Variants in CSMD2 observed in about 807,000 individuals in gnomAD.
The protein encoded by CSMD2 is CUB and sushi domain-containing protein 2.
A neutral mutation model predicts 398.5 loss-of-function variants in CSMD2; 130 were observed. The observed-to-expected ratio is 0.33, with a 90% CI of 0.28 to 0.38. The LOEUF (loss-of-function observed/expected upper bound fraction) is 0.38. Ranked by LOEUF, CSMD2 falls within the 10% of genes least tolerant of loss-of-function variation. CSMD2 has a pLI of 1.00. For synonymous variants in CSMD2, 1,828 were observed against 1,908.5 expected (o/e 0.96, Z 1.10); for missense variants, 3,829 against 4,764.9 (o/e 0.80, Z 5.78).
chr1:33,723,458 C>T (rs1237702455), intron 19 of CSMD2, among the ~76,000 whole-genome samples: 1 of 152,202 alleles, frequency 6.6e-6, no homozygotes, highest in Non-Finnish European at 1.5e-5. Flanking sequence ...CTGCTGATGC[C>T]CAGCCCCAGT....
At chr1:33,691,729 C>T (rs1645248007) in intron 25 of CSMD2, among the ~76,000 whole-genome samples, 1 of 152,174 alleles carries the variant, frequency 6.6e-6, no homozygotes, top group Non-Finnish European at 1.5e-5. Flanking sequence ...TGGACCGACG[C>T]TGCTCAAGAA....
At chr1:34,129,495 A>G (rs971639357) in intron 1 of CSMD2, among the ~76,000 whole-genome samples, 1 of 151,550 alleles carries the variant, frequency 6.6e-6, no homozygotes, top group African/African-American at 2.4e-5. Flanking sequence ...ACTAAAAATA[A>G]AAAAAAATTA....
chr1:33,676,478 G>A (rs1644715673), intron 25 of CSMD2, among the ~76,000 whole-genome samples: 2 of 152,122 alleles, frequency 1.3e-5, no homozygotes, highest in South Asian at 4.1e-4. Context: ...AGAAAAGAAA[G>A]AACATTCCAT....
Position 33,616,924 on chromosome 1 carries a change from G to C in CSMD2, c.5998C>G (p.Pro2000Ala). Residue 2000 changes from proline to alanine, a missense_variant, in exon 39 of 71, where the codon CCT becomes GCT. Physicochemically the swap from Pro to Ala is conservative, Grantham distance 27. Around this residue, in one of 5 missense-constraint regions of CSMD2, gnomAD observed 2,001 missense variants for 2,567.1 expected, o/e 0.78. Transcript: ENST00000373381. Reference protein sequence around the residue: ...MPGTVRRWNYPPPLCIAQCGG... With the variant: ...MPGTVRRWNYAPPLCIAQCGG... ...GTCTTACCAATACAGAGTGGAGGAG[G>C]GTAGTTCCATCGCCGCACTGTTCCG... is the stretch of plus-strand genomic sequence containing the variant. The C allele has an allele frequency of 1.2e-6, 2 of 1,614,134 alleles. No homozygotes were observed. Among genetic ancestry groups the C allele is most frequent in the Non-Finnish European group, 1.7e-6 (2 of 1,179,968 alleles).
At chr1:34,091,002 G>T (rs1658495828) in intron 1 of CSMD2, among the ~76,000 whole-genome samples, 1 of 152,118 alleles carries the variant, frequency 6.6e-6, no homozygotes, top group South Asian at 2.1e-4. Context: ...GGTTCTCTCT[G>T]CCTACAACAC....
At chr1:34,118,869 G>A (rs1771376) in intron 1 of CSMD2, among the ~76,000 whole-genome samples, 143,111 of 152,258 alleles carry the variant, frequency 0.94, 67,541 homozygotes, top group East Asian at 1. Flanking sequence ...TGATCTTCAG[G>A]TTCGATGCAA....
chr1:33,762,969 G>A (rs1650019560), intron 13 of CSMD2, among the ~76,000 whole-genome samples: 1 of 152,068 alleles, frequency 6.6e-6, no homozygotes, highest in Non-Finnish European at 1.5e-5. Context: ...ACTCCTTGAT[G>A]GGATACCAAC....
intron 7 of CSMD2, among the ~76,000 whole-genome samples, chr1:33,822,885 G>C (rs1295558967): frequency 6.6e-6 from 1 of 152,150 alleles, no homozygotes; most frequent in Non-Finnish European, 1.5e-5. Context: ...ACCTTCTTTA[G>C]ATTCTGTCTA....
intron 13 of CSMD2, among the ~76,000 whole-genome samples, chr1:33,762,104 CAG>C (rs1456949837): frequency 1.3e-5 from 2 of 152,240 alleles, no homozygotes; most frequent in Non-Finnish European, 2.9e-5. Flanking sequence ...CCGAGGACCA[CAG>C]AGTCTGAGGA....
intron 15 of CSMD2, among the ~76,000 whole-genome samples, chr1:33,732,031 T>C (rs1354347622): frequency 6.6e-6 from 1 of 152,222 alleles, no homozygotes; most frequent in Non-Finnish European, 1.5e-5. Context: ...CATTATACTA[T>C]TCTCTCTGTT....
chr1:33,775,891 C>A lies in CSMD2; in HGVS notation c.1664-3140G>T, dbSNP rs113487066. Among the ~76,000 whole-genome samples, 597 of 152,254 alleles carry A rather than the reference C, an allele frequency of 3.9e-3. 10 individuals are homozygous for A. The highest frequency in any genetic ancestry group is 0.014 in the African/African-American group (577 of 41,556). The stretch of plus-strand genomic sequence containing the variant: ...ATGCTAGACTGGGAGAGTGGGGTCA[C>A]AGGAGCTTAAAGAAGAATGAGTTTC... On this transcript the variant is annotated intron_variant, in intron 12 of 70. Coordinates refer to ENST00000373381, the MANE Select transcript of CSMD2 (RefSeq NM_001281956.2).
At chr1:33,799,796 C>G (rs1330180141) in intron 10 of CSMD2, among the ~76,000 whole-genome samples, 1 of 152,180 alleles carries the variant, frequency 6.6e-6, no homozygotes, top group Non-Finnish European at 1.5e-5. Context: ...AGGGAACCAC[C>G]AAGCCAGCCC....
At chr1:33,685,394 G>A (rs1269685379) in intron 25 of CSMD2, among the ~76,000 whole-genome samples, 2 of 152,204 alleles carry the variant, frequency 1.3e-5, no homozygotes, top group Admixed American at 1.3e-4. Flanking sequence ...CCTTCAAGGG[G>A]AAAAGCTGTT....
chr1:33,776,952 C>T (rs925911403), intron 12 of CSMD2, among the ~76,000 whole-genome samples: 5 of 151,962 alleles, frequency 3.3e-5, no homozygotes, highest in African/African-American at 1.2e-4. Context: ...GGGTGAAGTA[C>T]ACTGAAAGGA....
At position 33,620,331 on chromosome 1, in the gene CSMD2, C is replaced by A. The variant is rs563612961; in HGVS notation, c.5827+1836G>T. On this transcript the variant is annotated intron_variant, in intron 37 of 70. Coordinates refer to ENST00000373381, the MANE Select transcript of CSMD2 (RefSeq NM_001281956.2). ...TGTCTGTGAGCTCTTTGTAGATTATCCTACAAAATAAAATATAACTACAGG... is the reference window on the plus strand; with the variant it reads ...TGTCTGTGAGCTCTTTGTAGATTATACTACAAAATAAAATATAACTACAGG... Among the ~76,000 whole-genome samples, 22 of 152,208 alleles carry A rather than the reference C, an allele frequency of 1.4e-4. 1 individual carries two copies. The highest frequency in any genetic ancestry group is 5.1e-4 in the African/African-American group (21 of 41,534).
chr1:33,534,321 T>C (rs1484888023), intron 62 of CSMD2, among the ~76,000 whole-genome samples: 1 of 152,238 alleles, frequency 6.6e-6, no homozygotes, highest in Non-Finnish European at 1.5e-5. Context: ...ATGGCGGATT[T>C]GACAGCATTT....
intron 3 of CSMD2, among the ~76,000 whole-genome samples, chr1:34,007,666 T>C (rs973692147): frequency 2.0e-5 from 3 of 152,206 alleles, no homozygotes; most frequent in African/African-American, 7.2e-5. Context: ...GACAGCATTA[T>C]CTGTCAAAGG....
At chr1:34,115,572 G>A (rs954257137) in intron 1 of CSMD2, among the ~76,000 whole-genome samples, 1 of 152,050 alleles carries the variant, frequency 6.6e-6, no homozygotes, top group African/African-American at 2.4e-5. Flanking sequence ...ATCGCCATTA[G>A]ATCTGCCTTA....
intron 44 of CSMD2, chr1:33,600,188 A>T (rs1171260623): frequency 7.0e-6 from 5 of 715,728 alleles, no homozygotes; most frequent in Non-Finnish European, 1.3e-5. Context: ...CCCAAGGTGG[A>T]GCTGGGAGTA....
Sources: allele counts gnomAD v4.1 joint callset (sites outside exome capture counted in the v4.1 genomes callset), GRCh38; gene constraint gnomAD v4.1.1; regional missense constraint gnomAD v4.1.1; transcripts MANE v1.5; gene names NCBI Gene and HGNC (gene_info 2026-07-23, HGNC 2026-07-21).